The following DMD variants were observed in gnomAD, a reference collection of about 807,000 sequenced individuals.
DMD encodes the protein mutant dystrophin.
A neutral mutation model predicts 330.1 loss-of-function variants in DMD; 63 were observed. The ratio of observed to expected loss-of-function variants is 0.19; its 90% CI spans 0.16 to 0.24. DMD has a LOEUF of 0.24. DMD is among the 10% of genes least tolerant of loss of function. The pLI is 1.00. For synonymous variants in DMD, 1,223 were observed against 959.8 expected, an observed-to-expected ratio of 1.27 and a Z score of -5.07; for missense variants, 3,344 against 2,684.1, an observed-to-expected ratio of 1.25 and a Z score of -5.43.
chrX:31,822,621 G>C (rs1490680654), intron 49 of DMD, among the ~76,000 whole-genome samples: 2 of 92,021 alleles, frequency 2.2e-5, no homozygotes, highest in African/African-American at 8.7e-5. Context: ...CAGCTGGACT[G>C]AAGGCTTTGG....
At chrX:32,266,014 G>T (rs976700338) in intron 43 of DMD, among the ~76,000 whole-genome samples, 4 of 111,488 alleles carry the variant, frequency 3.6e-5, no homozygotes, top group African/African-American at 1.3e-4. Context: ...CGTGCCATTT[G>T]GGAGGGGCCA....
chrX:32,530,997 C>G (rs1021953202), intron 17 of DMD, among the ~76,000 whole-genome samples: 2 of 111,598 alleles, frequency 1.8e-5, no homozygotes, highest in East Asian at 2.8e-4. Flanking sequence ...AAATGTGGGT[C>G]ACTAGAGGGC....
chrX:32,728,156 T>A (rs986510446), intron 7 of DMD, among the ~76,000 whole-genome samples: 8 of 111,226 alleles, frequency 7.2e-5, no homozygotes, highest in Admixed American at 6.8e-4. Flanking sequence ...GCTCTTACAC[T>A]GCTTGTACTA....
intron 74 of DMD, among the ~76,000 whole-genome samples, chrX:31,162,432 G>C (rs2038953412): frequency 1.9e-5 from 2 of 107,410 alleles, no homozygotes; most frequent in African/African-American, 6.9e-5. Context: ...CTAGGGAGAT[G>C]GCAGCTGTAC....
chrX:33,097,028 A>C (rs2095175773), intron 1 of DMD, among the ~76,000 whole-genome samples: 1 of 111,571 alleles, frequency 9.0e-6, no homozygotes, highest in Non-Finnish European at 1.9e-5. Flanking sequence ...GAAATTATCG[A>C]GTTTGGTCTC....
intron 1 of DMD, among the ~76,000 whole-genome samples, chrX:33,153,478 T>C (rs1355266881): frequency 8.9e-6 from 1 of 112,765 alleles, no homozygotes; most frequent in Non-Finnish European, 1.9e-5. Flanking sequence ...ACTATTTTTG[T>C]TTTTATTTAC....
chrX:32,447,755 G>C (rs765085265), intron 27 of DMD, among the ~76,000 whole-genome samples: 1 of 111,768 alleles, frequency 8.9e-6, no homozygotes, highest in Admixed American at 9.4e-5. Flanking sequence ...ATAAAGTTTT[G>C]TGCCCCTTGG....
intron 60 of DMD, among the ~76,000 whole-genome samples, chrX:31,377,168 G>A (rs1019097766): frequency 1.8e-5 from 2 of 111,762 alleles, no homozygotes; most frequent in South Asian, 3.7e-4. Flanking sequence ...AGAGTAGAGC[G>A]GGAGGTGGCG....
At chrX:31,481,550 T>C (rs145495466) in intron 57 of DMD, among the ~76,000 whole-genome samples, 1,578 of 111,762 alleles carry the variant, frequency 0.014, 26 homozygotes, top group African/African-American at 0.049. Context: ...ACACTTAGTG[T>C]CTAGGTTGAG....
intron 44 of DMD, among the ~76,000 whole-genome samples, chrX:32,211,093 C>CTT (rs200414262): frequency 9.0e-6 from 1 of 111,161 alleles, no homozygotes; most frequent in Non-Finnish European, 1.9e-5. Context: ...TTTTTGTACT[C>CTT]TTTTTTTGCC....
intron 21 of DMD, among the ~76,000 whole-genome samples, chrX:32,484,600 G>A (rs987867381): frequency 1.8e-5 from 2 of 112,016 alleles, no homozygotes; most frequent in African/African-American, 6.5e-5. Flanking sequence ...TAATTGAAGT[G>A]TATTCATATG....
intron 1 of DMD, among the ~76,000 whole-genome samples, chrX:33,254,073 G>A (rs1021078790): frequency 4.5e-5 from 5 of 110,270 alleles, no homozygotes; most frequent in Non-Finnish European, 7.6e-5. Context: ...AAATTTCACC[G>A]TTAAAAATGA....
At chrX:31,455,253 C>A (rs1381676771) in intron 59 of DMD, among the ~76,000 whole-genome samples, 1 of 110,544 alleles carries the variant, frequency 9.0e-6, no homozygotes, top group Non-Finnish European at 1.9e-5. Flanking sequence ...CGTAAAGTGT[C>A]TCCTTTTTCC....
intron 1 of DMD, among the ~76,000 whole-genome samples, chrX:33,283,632 C>T (rs184308082): frequency 9.0e-6 from 1 of 110,672 alleles, no homozygotes; most frequent in East Asian, 2.8e-4. Flanking sequence ...AGCAACCTAA[C>T]TAAAAATAGT....
chrX:33,122,966 G>C (rs1244277320), intron 1 of DMD, among the ~76,000 whole-genome samples: 1 of 112,473 alleles, frequency 8.9e-6, no homozygotes, highest in Non-Finnish European at 1.9e-5. Context: ...AACTGCATAA[G>C]GATGTTTCAG....
At chrX:31,983,307 T>TC (rs2095489060) in intron 44 of DMD, among the ~76,000 whole-genome samples, 1 of 111,152 alleles carries the variant, frequency 9.0e-6, no homozygotes, top group South Asian at 3.8e-4. Flanking sequence ...ACTTTTTTTT[T>TC]CCTCATCCTT....
intron 2 of DMD, among the ~76,000 whole-genome samples, chrX:32,917,632 G>C (rs965521977): frequency 2.7e-5 from 3 of 112,041 alleles, no homozygotes; most frequent in Non-Finnish European, 5.6e-5. Context: ...GGGAAAAAAA[G>C]AGAAGAAGGT....
At chrX:32,886,558 C>T (rs1178381541) in intron 2 of DMD, among the ~76,000 whole-genome samples, 1 of 109,779 alleles carries the variant, frequency 9.1e-6, no homozygotes. Flanking sequence ...TGGCAGGCGC[C>T]TGTGGTCCCA....
intron 44 of DMD, among the ~76,000 whole-genome samples, chrX:32,141,777 T>A (rs2096755176): frequency 9.1e-6 from 1 of 110,211 alleles, no homozygotes; most frequent in African/African-American, 3.3e-5. Flanking sequence ...GCCTTAATTT[T>A]AATTTAAAAA....
Sources: allele counts gnomAD v4.1 joint callset (sites outside exome capture counted in the v4.1 genomes callset), GRCh38; gene constraint gnomAD v4.1.1; transcripts MANE v1.5; gene names NCBI Gene and HGNC (gene_info 2026-07-23, HGNC 2026-07-21).